PRKCA: variants seen among roughly 807,000 people sequenced by gnomAD.
PRKCA encodes the protein protein kinase C alpha, also known as protein kinase C alpha type.
A neutral mutation model predicts 87.0 loss-of-function variants in PRKCA; 27 were observed. The observed-to-expected ratio is 0.31, with a 90% CI of 0.23 to 0.43. The LOEUF (loss-of-function observed/expected upper bound fraction) is 0.43. Ranked by LOEUF, PRKCA falls within the 20% of genes least tolerant of loss-of-function variation. The pLI is 1.00. For synonymous variants in PRKCA, 329 were observed against 311.1 expected (o/e 1.06, Z -0.61); for missense variants, 518 against 852.3 (o/e 0.61, Z 4.88).
intron 13 of PRKCA, among the ~76,000 whole-genome samples, chr17:66,765,419 T>C (rs1344005594): frequency 7.6e-5 from 1 of 13,124 alleles, no homozygotes; most frequent in Non-Finnish European, 1.7e-4. Context: ...AGACTTTGTC[T>C]ATATATATAT....
At chr17:66,413,835 A>G (rs1334766759) in intron 2 of PRKCA, among the ~76,000 whole-genome samples, 1 of 152,034 alleles carries the variant, frequency 6.6e-6, no homozygotes, top group African/African-American at 2.4e-5. Context: ...CCAACATGGC[A>G]ATACCCCGTC....
In PRKCA at chr17:66,559,395, A is replaced by G. The variant is rs113793135; in HGVS notation, c.288+63112A>G. On this transcript the variant is annotated intron_variant, in intron 3 of 16. Coordinates refer to ENST00000413366, the MANE Select transcript of PRKCA (RefSeq NM_002737.3). ...GGAGGCTGAGGCAGAGAATTGCTTG[A>G]ACTCAGGAGGTGGAGGTTGCAGTGA... is the stretch of plus-strand genomic sequence containing the variant. 4.2e-4 allele frequency among the ~76,000 whole-genome samples: 63 copies of G among 149,448 alleles called. 3 individuals are homozygous for G. The highest frequency in any genetic ancestry group is 1.3e-3 in the Admixed American group (19 of 14,646).
rs114898378 is a variant in PRKCA, at chr17:66,678,482, C to A, written c.530-8629C>A. ...TGTCATCCTGCTAGCAGAAGGTAGG[C>A]CAGAGCTAGATTAAGTCCTGTGATC... On this transcript the variant is annotated intron_variant, in intron 5 of 16. Transcript: ENST00000413366. 3.2e-3 allele frequency among the ~76,000 whole-genome samples: 493 copies of A among 152,272 alleles called. 7 individuals are homozygous for A. Among genetic ancestry groups the A allele is most frequent in the African/African-American group, 0.012 (478 of 41,560 alleles).
At chr17:66,417,730 T>C (rs1178868495) in intron 2 of PRKCA, among the ~76,000 whole-genome samples, 1 of 152,028 alleles carries the variant, frequency 6.6e-6, no homozygotes, top group African/African-American at 2.4e-5. Flanking sequence ...GCCTCTCAGG[T>C]AGTGGAAGGT....
In PRKCA at chr17:66,405,321, C is replaced by A. The variant is rs565967202; in HGVS notation, c.206-90880C>A. Among the ~76,000 whole-genome samples the A allele has an allele frequency of 1.4e-4, 22 of 152,362 alleles. No individual in the cohort carries two copies. In the South Asian group the frequency reaches 4.6e-3, roughly 32 times the overall value. ...TAAACCCAGAGTTTTCTGCTCACTTCTCATTTTATTGAAAATGGTGCATTG... is the reference window on the plus strand; with the variant it reads ...TAAACCCAGAGTTTTCTGCTCACTTATCATTTTATTGAAAATGGTGCATTG... On this transcript the variant is annotated intron_variant, in intron 2 of 16. Transcript: ENST00000413366.
chr17:66,378,042 G>T (rs1049284693), intron 2 of PRKCA, among the ~76,000 whole-genome samples: 3 of 152,156 alleles, frequency 2.0e-5, no homozygotes, highest in African/African-American at 7.2e-5. Context: ...GTTCTTCTAG[G>T]CTGGGTGTGG....
intron 3 of PRKCA, among the ~76,000 whole-genome samples, chr17:66,577,541 C>T (rs1969276311): frequency 6.6e-6 from 1 of 152,134 alleles, no homozygotes; most frequent in Admixed American, 6.5e-5. Context: ...TTTCTGCAGG[C>T]CATGAAATAG....
intron 2 of PRKCA, among the ~76,000 whole-genome samples, chr17:66,339,366 G>T (rs1374052588): frequency 1.3e-5 from 2 of 152,106 alleles, no homozygotes. Context: ...ACGGGGAAAT[G>T]AACTCTTCAC....
chr17:66,729,909 G>A (rs1267893909), intron 8 of PRKCA, among the ~76,000 whole-genome samples: 1 of 148,608 alleles, frequency 6.7e-6, no homozygotes, highest in Non-Finnish European at 1.5e-5. Flanking sequence ...TCCTGCTTCA[G>A]CCTCCTGAGT....
chr17:66,786,566 T>G (rs555822922), intron 14 of PRKCA, among the ~76,000 whole-genome samples: 46 of 152,356 alleles, frequency 3.0e-4, no homozygotes, highest in African/African-American at 1.1e-3. Flanking sequence ...ATTAATGGAT[T>G]AATCATAATT....
At chr17:66,467,459 C>G (rs571840624) in intron 2 of PRKCA, among the ~76,000 whole-genome samples, 30 of 152,270 alleles carry the variant, frequency 2.0e-4, no homozygotes, top group African/African-American at 6.7e-4. Flanking sequence ...GAACAAAATG[C>G]TTGTTTAGCT....
Position 66,379,159 on chromosome 17 carries a change from G to C in PRKCA, c.205+73032G>C, listed in dbSNP as rs572856727. Among the ~76,000 whole-genome samples, 334 of 152,126 alleles carry C rather than the reference G, an allele frequency of 2.2e-3. 1 individual carries two copies. Among genetic ancestry groups the C allele is most frequent in the African/African-American group, 7.7e-3 (318 of 41,502 alleles). ...GTGGACGTGTGTGTTCATTCCTCTC[G>C]GGTATATACCTAGGACTGAAATTGC... On this transcript the variant is annotated intron_variant, in intron 2 of 16. Coordinates refer to ENST00000413366, the MANE Select transcript of PRKCA (RefSeq NM_002737.3).
chr17:66,469,500 A>G (rs1166159869), intron 2 of PRKCA, among the ~76,000 whole-genome samples: 1 of 152,238 alleles, frequency 6.6e-6, no homozygotes, highest in Non-Finnish European at 1.5e-5. Flanking sequence ...TCTTAATTTA[A>G]AAAAGAAAGT....
chr17:66,780,926 G>A (rs915171307), intron 14 of PRKCA, among the ~76,000 whole-genome samples: 1 of 151,390 alleles, frequency 6.6e-6, no homozygotes, highest in African/African-American at 2.4e-5. Flanking sequence ...TGGTCAACAT[G>A]GTGAAACTCC....
chr17:66,758,919 T>C (rs1974616861), intron 13 of PRKCA, among the ~76,000 whole-genome samples: 1 of 152,172 alleles, frequency 6.6e-6, no homozygotes, highest in Admixed American at 6.5e-5. Flanking sequence ...TTCAAAATAA[T>C]AACATATTCT....
At chr17:66,679,079 G>T (rs1370592844) in intron 5 of PRKCA, among the ~76,000 whole-genome samples, 1 of 151,848 alleles carries the variant, frequency 6.6e-6, no homozygotes, top group Non-Finnish European at 1.5e-5. Context: ...TTAGGCAGAT[G>T]TCAGCACATT....
intron 8 of PRKCA, among the ~76,000 whole-genome samples, chr17:66,731,787 T>TC (rs1177659413): frequency 7.2e-6 from 1 of 137,932 alleles, no homozygotes; most frequent in Non-Finnish European, 1.6e-5. Flanking sequence ...TTTTTTTTTT[T>TC]TTTTTTTTTT....
intron 2 of PRKCA, among the ~76,000 whole-genome samples, chr17:66,467,113 C>G (rs1480696369): frequency 6.6e-6 from 1 of 152,192 alleles, no homozygotes; most frequent in Non-Finnish European, 1.5e-5. Flanking sequence ...TTCCTCTGAG[C>G]ATCTTAGAGA....
chr17:66,327,505 C>T (rs1215952288), intron 2 of PRKCA, among the ~76,000 whole-genome samples: 1 of 152,044 alleles, frequency 6.6e-6, no homozygotes, highest in African/African-American at 2.4e-5. Flanking sequence ...CCCTGTACTC[C>T]AGCCTGGGCG....
Sources: gnomAD v4.1 joint callset for allele counts (sites outside exome capture counted in the v4.1 genomes callset) on GRCh38, gnomAD v4.1.1 for gene constraint, MANE v1.5 for transcripts, NCBI Gene and HGNC (gene_info 2026-07-23, HGNC 2026-07-21) for gene names.